AOAH: variants seen among roughly 807,000 people sequenced by gnomAD.
AOAH encodes the protein acyloxyacyl hydrolase, also known as acyloxyacyl hydrolase (neutrophil).
In AOAH, 64 loss-of-function variants were observed where a neutral mutation model predicts 92.2. The observed-to-expected ratio is 0.69, with a 90% CI of 0.57 to 0.86. The LOEUF is 0.86. Ranked by LOEUF, AOAH falls within the 40% of genes least tolerant of loss-of-function variation. The pLI, the probability that AOAH is intolerant of heterozygous loss-of-function variation, is 0.00. For missense variants in AOAH, 656 were observed against 694.6 expected, an observed-to-expected ratio of 0.94 and a Z score of 0.62; for synonymous variants, 263 against 254.5, an observed-to-expected ratio of 1.03 and a Z score of -0.32.
At chr7:36,657,426 A>T (rs946689723) in intron 4 of AOAH, among the ~76,000 whole-genome samples, 1 of 152,194 alleles carries the variant, frequency 6.6e-6, no homozygotes, top group East Asian at 1.9e-4. Context: ...GTGAGCCTCT[A>T]CACCAGCACT....
chr7:36,544,494 T>C (rs1197316578), intron 15 of AOAH, among the ~76,000 whole-genome samples: 1 of 152,028 alleles, frequency 6.6e-6, no homozygotes, highest in African/African-American at 2.4e-5. Flanking sequence ...CAGCACCCCT[T>C]CTCACACACC....
intron 1 of AOAH, among the ~76,000 whole-genome samples, chr7:36,689,077 C>T (rs1797228407): frequency 6.6e-6 from 1 of 152,102 alleles, no homozygotes; most frequent in African/African-American, 2.4e-5. Context: ...CTGGGGGCTC[C>T]CTAGCAAAGG....
In AOAH at chr7:36,678,550, AGTGTGTGTGTGTGTGT is replaced by A. The variant is rs529261307; in HGVS notation, c.224-4557_224-4542del. 3.9e-3 allele frequency among the ~76,000 whole-genome samples: 462 copies of A among 118,914 alleles called. 4 individuals carry two copies. The highest frequency in any genetic ancestry group is 0.011 in the African/African-American group (397 of 35,728). The allele number at this position is 118,914 out of a possible 152,430, so 78.0% of individuals were successfully genotyped here. ...TCATCTTCTTTCTGGTAAGATAAGC[AGTGTGTGTGTGTGTGT>A]GTGTGTGTGTGTGTGTGTGTGTGTG... On this transcript the variant is annotated intron_variant, in intron 2 of 20. Transcript: ENST00000617537.
At chr7:36,530,313 C>G in intron 19 of AOAH, 105 bp downstream of exon 19, 1 of 754,272 alleles carries the variant, frequency 1.3e-6, no homozygotes, top group Non-Finnish European at 2.3e-6. Flanking sequence ...AGTAACCCTG[C>G]CGAATCTGCT....
chr7:36,591,112 A>G (rs986226202), intron 12 of AOAH, among the ~76,000 whole-genome samples: 1 of 152,202 alleles, frequency 6.6e-6, no homozygotes, highest in Non-Finnish European at 1.5e-5. Flanking sequence ...TTCCATTAAA[A>G]GGAGTTGGTA....
rs768594140 is a variant in AOAH at position 36,513,115 on chromosome 7, A to G, written c.*137T>C. The G allele has an allele frequency of 6.2e-7, 1 of 1,604,836 alleles. No individual in the cohort carries two copies. The highest frequency in any genetic ancestry group is 8.5e-7 in the Non-Finnish European group (1 of 1,178,884). On this transcript the variant is annotated 3_prime_UTR_variant, in exon 21 of 21. Coordinates refer to ENST00000617537, the MANE Select transcript of AOAH (RefSeq NM_001637.4). ...GTCCAGATATGCTCTTCATTGAGAG[A>G]AAGACATTTTGCAAAGATGCTGCTG...
chr7:36,546,119 C>T (rs1785784604), intron 15 of AOAH, among the ~76,000 whole-genome samples: 1 of 152,210 alleles, frequency 6.6e-6, no homozygotes, highest in Non-Finnish European at 1.5e-5. Context: ...AGCTATCTTC[C>T]AATCGTGACC....
intron 9 of AOAH, 97 bp downstream of exon 9, chr7:36,620,682 CAT>C: frequency 8.6e-7 from 1 of 1,168,418 alleles, no homozygotes; most frequent in Non-Finnish European, 1.2e-6. Flanking sequence ...TTTAGGCTGT[CAT>C]AGTCTTCCCT....
intron 4 of AOAH, among the ~76,000 whole-genome samples, chr7:36,656,426 T>G (rs1469664211): frequency 2.0e-5 from 3 of 152,152 alleles, no homozygotes; most frequent in Non-Finnish European, 4.4e-5. Context: ...GGCTGAACAT[T>G]ATCTACGTCT....
intron 3 of AOAH, among the ~76,000 whole-genome samples, chr7:36,672,662 T>G (rs1223120152): frequency 6.6e-6 from 1 of 152,076 alleles, no homozygotes; most frequent in Non-Finnish European, 1.5e-5. Flanking sequence ...GACAAATACC[T>G]AATGAATGTG....
At chr7:36,515,014 G>A (rs141023520) in intron 20 of AOAH, among the ~76,000 whole-genome samples, 31 of 151,816 alleles carry the variant, frequency 2.0e-4, no homozygotes, top group African/African-American at 5.1e-4. Context: ...ATCCCGCTGC[G>A]TAATCTCGGT....
chr7:36,521,382 T>C (rs1784100236), intron 20 of AOAH, among the ~76,000 whole-genome samples: 1 of 152,210 alleles, frequency 6.6e-6, no homozygotes, highest in Admixed American at 6.5e-5. Context: ...GTCCAGGACA[T>C]ACAACAGATA....
At chr7:36,647,483 T>G (rs1245615183) in intron 4 of AOAH, among the ~76,000 whole-genome samples, 1 of 152,254 alleles carries the variant, frequency 6.6e-6, no homozygotes, top group Non-Finnish European at 1.5e-5. Context: ...TGTTGTTTTC[T>G]GAATTTCTCA....
In AOAH at chr7:36,616,549, G is replaced by A. The variant is rs1214099394; in HGVS notation, c.752-75C>T. On this transcript the variant is annotated intron_variant, in intron 10 of 20. Coordinates refer to ENST00000617537, the MANE Select transcript of AOAH (RefSeq NM_001637.4). ...ACCTCCAGACTGGGTAGATATAAGA[G>A]CGGATACCCTAGTGTGTATTCCAGG... 2.5e-5 allele frequency: 30 copies of A among 1,189,356 alleles called. No individual in the cohort carries two copies. The South Asian group carries it at 3.6e-4, about 14-fold the overall frequency. 73.7% of individuals were successfully genotyped at this position (1,189,356 alleles called of 1,614,324 possible). A position where few individuals can be genotyped will look rare whatever the true frequency, so the allele number is the denominator to read the frequency against.
intron 4 of AOAH, among the ~76,000 whole-genome samples, chr7:36,650,074 C>A (rs1288164742): frequency 6.6e-6 from 1 of 152,218 alleles, no homozygotes; most frequent in East Asian, 1.9e-4. Flanking sequence ...GAACATGAGG[C>A]TTGCCACCAT....
At chr7:36,565,489 A>C (rs1345523309) in intron 13 of AOAH, among the ~76,000 whole-genome samples, 1 of 152,168 alleles carries the variant, frequency 6.6e-6, no homozygotes, top group Non-Finnish European at 1.5e-5. Context: ...AAGTAGAACA[A>C]AGGATTTATA....
rs1441377095 is a variant in AOAH at position 36,514,712 on chromosome 7, C to T, written c.1600-1332G>A. 6 of 702,614 alleles carry T rather than the reference C, an allele frequency of 8.5e-6. No individual in the cohort carries two copies. In the Admixed American group the frequency reaches 9.1e-5, roughly 11 times the overall value. The allele number at this position is 702,614 out of a possible 1,614,324, so 43.5% of individuals were successfully genotyped here. On this transcript the variant is annotated intron_variant, in intron 20 of 20. Coordinates refer to ENST00000617537, the MANE Select transcript of AOAH (RefSeq NM_001637.4). ...AGAAATGTGATTGCTGAAGGCCTGC[C>T]AGAGGGGAATACATTGTTCGGGAAG...
rs569350732 is a variant in AOAH at position 36,599,413 on chromosome 7, T to C, written c.847-4983A>G. Among the ~76,000 whole-genome samples the C allele has an allele frequency of 2.6e-5, 4 of 152,304 alleles. No individual in the cohort carries two copies. The South Asian group carries it at 6.2e-4, about 24-fold the overall frequency. The stretch of plus-strand genomic sequence containing the variant: ...TCCTCAGTGCCTTTCCTTCACTGTT[T>C]ACATTTGGGCTCTCTCCATCCTGCA... On this transcript the variant is annotated intron_variant, in intron 11 of 20. Transcript: ENST00000617537.
At chr7:36,594,662 A>T (rs1430003140) in intron 11 of AOAH, 1 of 567,854 alleles carries the variant, frequency 1.8e-6, no homozygotes, top group African/African-American at 1.9e-5. Flanking sequence ...CTTGTGAAAC[A>T]TGCAGAACAT....
Sources: allele counts gnomAD v4.1 joint callset (sites outside exome capture counted in the v4.1 genomes callset), GRCh38; gene constraint gnomAD v4.1.1; transcripts MANE v1.5; gene names NCBI Gene and HGNC (gene_info 2026-07-23, HGNC 2026-07-21).